Variants in SASH1 observed in about 807,000 individuals in gnomAD.
SASH1 encodes the protein SAM and SH3 domain-containing protein 1.
In SASH1, 44 loss-of-function variants were observed where a neutral mutation model predicts 125.2. The ratio of observed to expected loss-of-function variants is 0.35; its 90% CI spans 0.28 to 0.45. SASH1 has a LOEUF of 0.45. SASH1 is among the 20% of genes least tolerant of loss of function. The pLI, the probability that SASH1 is intolerant of heterozygous loss-of-function variation, is 1.00. For synonymous variants in SASH1, 639 were observed against 649.1 expected (o/e 0.98, Z 0.24); for missense variants, 1,426 against 1,614.5 (o/e 0.88, Z 2.00).
intron 1 of SASH1, among the ~76,000 whole-genome samples, chr6:148,305,435 C>A (rs1338599018): frequency 6.6e-6 from 1 of 152,042 alleles, no homozygotes; most frequent in East Asian, 1.9e-4. Flanking sequence ...CCAGCCTGGT[C>A]AATACGGTGA....
chr6:148,449,078 C>CTTTTTCTTTTTTTTTTTT lies in SASH1; in HGVS notation c.386+8676_386+8677insCTTTTTTTTTTTTTTTTT. Among the ~76,000 whole-genome samples, 9 of 88,688 alleles carry CTTTTTCTTTTTTTTTTTT rather than the reference C, an allele frequency of 1.0e-4. 1 individual carries two copies. In the East Asian group the frequency reaches 1.5e-3, roughly 14 times the overall value. 58.2% of individuals were successfully genotyped at this position (88,688 alleles called of 152,430 possible). On this transcript the variant is annotated intron_variant, in intron 4 of 19. Coordinates refer to ENST00000367467, the MANE Select transcript of SASH1 (RefSeq NM_015278.5). The stretch of plus-strand genomic sequence containing the variant: ...GAGACTGGCTAATTTCATTTCATTT[C>CTTTTTCTTTTTTTTTTTT]TTTTTTTTTTTTTTTGGAGACAGAG...
At chr6:148,387,636 C>CT (rs1328711175) in intron 1 of SASH1, among the ~76,000 whole-genome samples, 2 of 37,914 alleles carry the variant, frequency 5.3e-5, no homozygotes, top group African/African-American at 9.1e-5. Context: ...TTCTTTCTTT[C>CT]TTTCTTTCTT....
At chr6:148,374,013 T>C (rs993929219) in intron 1 of SASH1, among the ~76,000 whole-genome samples, 2 of 152,138 alleles carry the variant, frequency 1.3e-5, no homozygotes, top group African/African-American at 4.8e-5. Context: ...CAAAAAACAG[T>C]TGAACTGCTG....
intron 1 of SASH1, among the ~76,000 whole-genome samples, chr6:148,296,207 C>T (rs929724218): frequency 3.9e-5 from 6 of 152,122 alleles, no homozygotes; most frequent in Non-Finnish European, 8.8e-5. Context: ...CTCACTGCAA[C>T]CTCCGTCTCC....
chr6:148,397,904 A>C (rs1210541549), intron 2 of SASH1, among the ~76,000 whole-genome samples: 3 of 152,180 alleles, frequency 2.0e-5, no homozygotes, highest in Admixed American at 1.3e-4. Flanking sequence ...ACAGTTTAGT[A>C]GGGGTGTGAG....
chr6:148,535,110 T>G (rs1344936309), intron 16 of SASH1, among the ~76,000 whole-genome samples: 2 of 152,236 alleles, frequency 1.3e-5, no homozygotes. Context: ...CAGTATGTGC[T>G]TAGGTCCCTG....
intron 1 of SASH1, among the ~76,000 whole-genome samples, chr6:148,350,667 C>T (rs556809774): frequency 6.6e-6 from 1 of 152,172 alleles, no homozygotes; most frequent in Non-Finnish European, 1.5e-5. Flanking sequence ...ATGTGCCTAC[C>T]TGTGGTTGAC....
intron 1 of SASH1, among the ~76,000 whole-genome samples, chr6:148,353,715 G>A (rs1404711592): frequency 2.0e-5 from 3 of 152,070 alleles, no homozygotes; most frequent in Admixed American, 6.5e-5. Flanking sequence ...GATTACAGGC[G>A]TGAGCCACCA....
At chr6:148,324,531 T>C (rs1295606084) in intron 1 of SASH1, among the ~76,000 whole-genome samples, 1 of 152,170 alleles carries the variant, frequency 6.6e-6, no homozygotes, top group East Asian at 1.9e-4. Context: ...CCAATTCAGC[T>C]TGGGAATGTT....
exon 1 of SASH1, chr6:148,272,371 T>C (rs963488758): frequency 2.1e-6 from 1 of 470,876 alleles, no homozygotes; most frequent in Non-Finnish European, 4.4e-6. Flanking sequence ...AGGAACAAGA[T>C]TGCAGGGTAT....
the SASH1 span, among the ~76,000 whole-genome samples, chr6:148,233,437 T>A: frequency 8.5e-5 from 13 of 152,136 alleles, no homozygotes; most frequent in African/African-American, 3.1e-4. Flanking sequence ...TTCTCTCTTT[T>A]TATTCTTTCA....
At chr6:148,284,177 G>C (rs1039934631) in intron 1 of SASH1, among the ~76,000 whole-genome samples, 2 of 151,966 alleles carry the variant, frequency 1.3e-5, no homozygotes, top group Non-Finnish European at 2.9e-5. Flanking sequence ...GTTGGCGCAC[G>C]CCTGTAATCC....
At chr6:148,535,338 A>T (rs1329712975) in intron 16 of SASH1, among the ~76,000 whole-genome samples, 1 of 152,202 alleles carries the variant, frequency 6.6e-6, no homozygotes, top group Admixed American at 6.5e-5. Flanking sequence ...CACTTTCAGT[A>T]CTTTTGAGAG....
chr6:148,205,087 A>G, the SASH1 span, among the ~76,000 whole-genome samples: 1 of 152,086 alleles, frequency 6.6e-6, no homozygotes, highest in African/African-American at 2.4e-5. Context: ...TCAAGCAGTC[A>G]TTTGTCTTTT....
chr6:148,519,966 T>C lies in SASH1; in HGVS notation c.1209+73T>C, dbSNP rs1054555482. ...CCACCTTCTGGTGTCCCTGGAGGAG[T>C]TTCAGAGTGTCCGGAAGCAAATCCG... is the stretch of plus-strand genomic sequence containing the variant. On this transcript the variant is annotated intron_variant, in intron 10 of 19. Coordinates refer to ENST00000367467, the MANE Select transcript of SASH1 (RefSeq NM_015278.5). This position sits in a 1 kb window ranked among gnomAD's most constrained non-coding sequence, Gnocchi z 4.8. The C allele has an allele frequency of 9.6e-7, 1 of 1,044,356 alleles. No homozygotes were observed. The highest frequency in any genetic ancestry group is 2.6e-5 in the East Asian group (1 of 38,326). 64.7% of individuals were successfully genotyped at this position (1,044,356 alleles called of 1,614,324 possible). A position where few individuals can be genotyped will look rare whatever the true frequency, so the allele number is the denominator to read the frequency against.
chr6:148,466,598 G>T (rs1294070135), intron 4 of SASH1, among the ~76,000 whole-genome samples: 2 of 152,284 alleles, frequency 1.3e-5, no homozygotes, highest in South Asian at 2.1e-4. Flanking sequence ...GTCTCATTCA[G>T]TCACCCAGTT....
At chr6:148,308,872 T>A (rs1359083455) in intron 1 of SASH1, among the ~76,000 whole-genome samples, 1 of 149,986 alleles carries the variant, frequency 6.7e-6, no homozygotes, top group Non-Finnish European at 1.5e-5. Context: ...TCACCTGAGG[T>A]CAGGAGTTCG....
intron 1 of SASH1, among the ~76,000 whole-genome samples, chr6:148,299,705 G>T (rs940402228): frequency 6.6e-6 from 1 of 150,902 alleles, no homozygotes; most frequent in Non-Finnish European, 1.5e-5. Context: ...GGGTTCTCTG[G>T]GGTTTGATGG....
chr6:148,490,790 A>C (rs1303743396), intron 8 of SASH1, among the ~76,000 whole-genome samples: 1 of 152,174 alleles, frequency 6.6e-6, no homozygotes, highest in Non-Finnish European at 1.5e-5. Flanking sequence ...TTCTTGGCAC[A>C]CTTAAAATTC....
Sources: allele counts gnomAD v4.1 joint callset (sites outside exome capture counted in the v4.1 genomes callset), GRCh38; gene constraint gnomAD v4.1.1; non-coding constraint Gnocchi (gnomAD v3.1); transcripts MANE v1.5; gene names NCBI Gene and HGNC (gene_info 2026-07-23, HGNC 2026-07-21).